ZFPM1: variants seen among roughly 807,000 people sequenced by gnomAD.
ZFPM1 encodes the protein zinc finger protein, FOG family member 1.
A neutral mutation model predicts 46.3 loss-of-function variants in ZFPM1; 28 were observed. That is an observed-to-expected ratio of 0.60 (90% CI 0.45 to 0.83). ZFPM1 has a LOEUF of 0.83. ZFPM1 is among the 40% of genes least tolerant of loss of function. The pLI is 0.00. For missense variants in ZFPM1, 1,878 were observed against 1,432.4 expected, an observed-to-expected ratio of 1.31 and a Z score of -5.02; for synonymous variants, 957 against 675.9, an observed-to-expected ratio of 1.42 and a Z score of -6.45.
rs148208804 is a variant in ZFPM1 at position 88,489,493 on chromosome 16, C to T, written c.268+340C>T. 3.3e-3 allele frequency: 905 copies of T among 275,820 alleles called. 4 individuals carry two copies. The highest frequency in any genetic ancestry group is 0.018 in the African/African-American group (831 of 45,194). 17.1% of individuals were successfully genotyped at this position (275,820 alleles called of 1,614,324 possible). A position where few individuals can be genotyped will look rare whatever the true frequency, so the allele number is the denominator to read the frequency against. On this transcript the variant is annotated intron_variant, in intron 3 of 9. Transcript: ENST00000319555. ...AAGGCAGGGAGGTGGGAACAGGAGG[C>T]TGCGTCTGAGCTGCCCGGGCCCGTG... is the stretch of plus-strand genomic sequence containing the variant.
intron 3 of ZFPM1, among the ~76,000 whole-genome samples, chr16:88,493,643 T>TGAGCTGTCCCGGGGTGCGGG (rs1398847756): frequency 5.9e-4 from 33 of 56,290 alleles, no homozygotes; most frequent in African/African-American, 1.5e-3. Flanking sequence ...CGGGGTGCGG[T>TGAGCTGTCCCGGGGTGCGGG]GAGCTGTCCC....
intron 4 of ZFPM1, among the ~76,000 whole-genome samples, chr16:88,526,544 C>G (rs1393155946): frequency 1.3e-5 from 2 of 152,178 alleles, no homozygotes; most frequent in Non-Finnish European, 2.9e-5. Flanking sequence ...GGGCCTCAGT[C>G]TCCACAAGAA....
rs1273971995 is a variant in ZFPM1 at position 88,534,706 on chromosome 16, C to T, written c.2748C>T (p.Gly916=). The change falls in exon 10 of 10, where the codon GGC becomes GGT. Residue 916 remains glycine (G), a synonymous_variant. Transcript: ENST00000319555. ...CCTCCCCGCAGCCCGGGTCCCGTGG[C>T]CCCCGGGACGGCCTCGGCCCGGAGC... ...PAASPQPGSR[G]PRDGLGPEPQ... 5 of 979,166 alleles carry T rather than the reference C, an allele frequency of 5.1e-6. No individual in the cohort carries two copies. The highest frequency in any genetic ancestry group is 1.1e-4 in the East Asian group (1 of 8,820). The allele number at this position is 979,166 out of a possible 1,614,324, so 60.7% of individuals were successfully genotyped here. A position where few individuals can be genotyped will look rare whatever the true frequency, so the allele number is the denominator to read the frequency against.
intron 4 of ZFPM1, among the ~76,000 whole-genome samples, chr16:88,522,906 A>G (rs1297066172): frequency 6.6e-6 from 1 of 152,176 alleles, no homozygotes; most frequent in African/African-American, 2.4e-5. Context: ...TGGAAGTTAA[A>G]AATAGGCCCC....
In ZFPM1 at chr16:88,471,938, G is replaced by T. The variant is rs533553333; in HGVS notation, c.41-14001G>T. On this transcript the variant is annotated intron_variant, in intron 1 of 9. Transcript: ENST00000319555. The surrounding 1 kb of genome is among the most constrained non-coding windows in gnomAD (Gnocchi z 4.1). ...TCCGCAAGAGCCTTGGGTGGGCCGG[G>T]GCAGGGGCCGTGTGGTCTGCAGGGA... 1.3e-5 allele frequency among the ~76,000 whole-genome samples: 2 copies of T among 152,370 alleles called. No homozygotes were observed. Among genetic ancestry groups the T allele is most frequent in the South Asian group, 4.1e-4 (2 of 4,834 alleles).
At chr16:88,519,511 G>C (rs1383684944) in intron 4 of ZFPM1, among the ~76,000 whole-genome samples, 1 of 150,452 alleles carries the variant, frequency 6.6e-6, no homozygotes, top group Non-Finnish European at 1.5e-5. Flanking sequence ...TGGGTGGGTA[G>C]ATAGATGAAT....
chr16:88,486,594 G>A (rs745681365), intron 2 of ZFPM1, among the ~76,000 whole-genome samples: 25 of 151,246 alleles, frequency 1.7e-4, no homozygotes, highest in Non-Finnish European at 2.2e-4. Flanking sequence ...CACCATGGGC[G>A]CTGGGTGCAC....
Position 88,533,580 on chromosome 16 carries a change from A to G in ZFPM1, c.1622A>G (p.Glu541Gly). The stretch of plus-strand genomic sequence containing the variant: ...CCCGACGCGGCGCCCCCCGCCTCGG[A>G]GATCCTGGCCAAGATGTCCGAGCTG... Reference protein sequence around the residue: ...FGPDAAPPASEILAKMSELVH... With the variant: ...FGPDAAPPASGILAKMSELVH... The change falls in exon 10 of 10, where the codon GAG (glutamate) becomes GGG (glycine). Residue 541 changes from glutamate to glycine, a missense_variant. By Grantham distance (98) the Glu-to-Gly change is moderately conservative (BLOSUM62 -2). Transcript: ENST00000319555. 6.7e-7 allele frequency: 1 copy of G among 1,499,336 alleles called. No homozygotes were observed. The highest frequency in any genetic ancestry group is 1.2e-5 in the South Asian group (1 of 82,428). The allele number at this position is 1,499,336 out of a possible 1,614,324, so 92.9% of individuals were successfully genotyped here.
At chr16:88,488,557 C>G (rs929185147) in intron 2 of ZFPM1, among the ~76,000 whole-genome samples, 1 of 151,986 alleles carries the variant, frequency 6.6e-6, no homozygotes, top group African/African-American at 2.4e-5. Context: ...TATTAATAAT[C>G]TGTAGACACG....
At chr16:88,516,326 C>T (rs1597268495) in intron 4 of ZFPM1, 4 of 397,822 alleles carry the variant, frequency 1.0e-5, no homozygotes, top group Admixed American at 4.4e-5. Context: ...CGCCTGCCTC[C>T]GCATTTAGTC....
intron 1 of ZFPM1, among the ~76,000 whole-genome samples, chr16:88,462,105 TTGGGCAGAGCCGCG>T (rs1380186177): frequency 6.6e-6 from 1 of 152,210 alleles, no homozygotes; most frequent in African/African-American, 2.4e-5. Flanking sequence ...GTGGCTGATC[TTGGGCAGAGCCGCG>T]TGAGCAGATA....
intron 3 of ZFPM1, among the ~76,000 whole-genome samples, chr16:88,499,451 C>G (rs1049291477): frequency 5.3e-5 from 8 of 152,322 alleles, no homozygotes; most frequent in South Asian, 2.1e-4. Flanking sequence ...GCAGAGGAAG[C>G]CGGGTACAGA....
intron 1 of ZFPM1, among the ~76,000 whole-genome samples, chr16:88,463,674 C>T (rs1164452337): frequency 6.6e-6 from 1 of 152,248 alleles, no homozygotes. Flanking sequence ...GCGGGGAAAC[C>T]ACCCGGCAAA....
At position 88,480,856 on chromosome 16, in the gene ZFPM1, C is replaced by T. The variant is rs1211219287; in HGVS notation, c.41-5083C>T. ...TCCTCAGCGACTGGCTCCAGCTTTCCGCAAGACAGTCGTTCAAAGGAGCCC... is the reference window on the plus strand; with the variant it reads ...TCCTCAGCGACTGGCTCCAGCTTTCTGCAAGACAGTCGTTCAAAGGAGCCC... On this transcript the variant is annotated intron_variant, in intron 1 of 9. Transcript: ENST00000319555. This position sits in a 1 kb window ranked among gnomAD's most constrained non-coding sequence, Gnocchi z 4.9. 1.3e-5 allele frequency among the ~76,000 whole-genome samples: 2 copies of T among 152,244 alleles called. No individual in the cohort carries two copies. The highest frequency in any genetic ancestry group is 6.5e-5 in the Admixed American group (1 of 15,290).
At chr16:88,476,135 C>T (rs889045049) in intron 1 of ZFPM1, among the ~76,000 whole-genome samples, 1 of 152,144 alleles carries the variant, frequency 6.6e-6, no homozygotes, top group Non-Finnish European at 1.5e-5. Context: ...TGGGCACCTT[C>T]GGCCAACCAG....
At chr16:88,493,608 T>C (rs1909750718) in intron 3 of ZFPM1, among the ~76,000 whole-genome samples, 1 of 149,314 alleles carries the variant, frequency 6.7e-6, no homozygotes, top group East Asian at 2.0e-4. Context: ...TAGGGAGAGC[T>C]GTCCCGGGGT....
rs1333878889 is a variant in ZFPM1 at position 88,534,225 on chromosome 16, C to A, written c.2267C>A (p.Pro756His). The change falls in exon 10 of 10, where the codon CCC becomes CAC. Residue 756 changes from proline (P) to histidine (H), a missense_variant. Transcript: ENST00000319555. Reference sequence around the variant, plus strand: ...GAGCTGCACGCGGCCGGCGCCCCGCCCCCCCCGCCGCCCGGCCACGCCCCC... The same window carrying A: ...GAGCTGCACGCGGCCGGCGCCCCGCACCCCCCGCCGCCCGGCCACGCCCCC... ...LYELHAAGAP[P>H]PPPPGHAPAP... 7 of 983,748 alleles carry A rather than the reference C, an allele frequency of 7.1e-6. No individual in the cohort carries two copies. Among genetic ancestry groups the A allele is most frequent in the South Asian group, 4.5e-5 (1 of 22,084 alleles). 60.9% of individuals were successfully genotyped at this position (983,748 alleles called of 1,614,324 possible).
chr16:88,529,108 A>G (rs1567554733), intron 6 of ZFPM1, among the ~76,000 whole-genome samples: 2 of 152,232 alleles, frequency 1.3e-5, no homozygotes, highest in Non-Finnish European at 2.9e-5. Flanking sequence ...AGAAGATCCC[A>G]TATCTGCCAA....
chr16:88,453,111 G>A (rs1435567891), upstream of ZFPM1, among the ~76,000 whole-genome samples: 2 of 150,506 alleles, frequency 1.3e-5, no homozygotes, highest in African/African-American at 4.9e-5. Context: ...TGGGGGCGGA[G>A]CCAGAGCAAC....
Sources: allele counts gnomAD v4.1 joint callset (sites outside exome capture counted in the v4.1 genomes callset), GRCh38; gene constraint gnomAD v4.1.1; non-coding constraint Gnocchi (gnomAD v3.1); transcripts MANE v1.5; gene names NCBI Gene and HGNC (gene_info 2026-07-23, HGNC 2026-07-21).